Variants in RNF145 observed in about 807,000 individuals in gnomAD.
RNF145 encodes the protein ring finger protein 145.
A neutral mutation model predicts 57.3 loss-of-function variants in RNF145; 12 were observed. That is an observed-to-expected ratio of 0.21 (90% CI 0.13 to 0.34). The LOEUF is 0.34. Ranked by LOEUF, RNF145 falls within the 10% of genes least tolerant of loss-of-function variation. RNF145 has a pLI of 1.00. For synonymous variants in RNF145, 262 were observed against 288.3 expected, an observed-to-expected ratio of 0.91 and a Z score of 0.92; for missense variants, 429 against 799.0, an observed-to-expected ratio of 0.54 and a Z score of 5.58.
In RNF145 at chr5:159,158,948, G is replaced by A. The variant is rs1784128555; in HGVS notation, c.1714C>T (p.Pro572Ser). The change falls in exon 11 of 11, where the codon CCT (proline) becomes TCT (serine). Residue 572 changes from proline (P) to serine (S), a missense_variant. Pro to Ser is a moderately conservative substitution (Grantham distance 74). Around this residue, in one of 4 missense-constraint regions of RNF145, gnomAD observed 216 missense variants for 457.6 expected, o/e 0.47. Transcript: ENST00000424310. ...KKWLYVQETC[P>S]LCHCHLKNSS... ...TTTTTCAGATGGCAGTGGCACAGAG[G>A]GCAGGTCTCCTGGACATACAGCCAT... 1 of 1,613,792 alleles carries A rather than the reference G, an allele frequency of 6.2e-7. No individual in the cohort carries two copies.
intron 10 of RNF145, among the ~76,000 whole-genome samples, chr5:159,159,412 A>T (rs549466479): frequency 6.6e-6 from 1 of 152,340 alleles, no homozygotes; most frequent in South Asian, 2.1e-4. Flanking sequence ...TCTGATGAAG[A>T]CAGGACTTTT....
rs547217319 is a variant in RNF145 at position 159,160,955 on chromosome 5, C to A, written c.1626+311G>T. Among the ~76,000 whole-genome samples the A allele has an allele frequency of 1.5e-3, 229 of 152,218 alleles. 1 individual carries two copies. Among genetic ancestry groups the A allele is most frequent in the African/African-American group, 5.2e-3 (215 of 41,540 alleles). Reference sequence around the variant, plus strand: ...GCTGACCCCTCATGGATAGTATATTCAATAGTCCGTGTGAGTGTGTATTCA... The same window carrying A: ...GCTGACCCCTCATGGATAGTATATTAAATAGTCCGTGTGAGTGTGTATTCA... On this transcript the variant is annotated intron_variant, in intron 10 of 10. Transcript: ENST00000424310.
At chr5:159,174,840 A>G (rs1480166249) in intron 5 of RNF145, among the ~76,000 whole-genome samples, 3 of 152,200 alleles carry the variant, frequency 2.0e-5, no homozygotes, top group Admixed American at 6.5e-5. Flanking sequence ...TCCAGTTTAT[A>G]AAACACTCTT....
At chr5:159,194,938 GTTTT>G (rs1303978258) in intron 2 of RNF145, 114 bp from the exon 3 acceptor site, 1 of 696,852 alleles carries the variant, frequency 1.4e-6, no homozygotes, top group Non-Finnish European at 2.3e-6. Context: ...ACTTTCTGAG[GTTTT>G]TTATTATACT....
chr5:159,183,838 TG>T (rs1414753766), intron 3 of RNF145, among the ~76,000 whole-genome samples: 1 of 152,014 alleles, frequency 6.6e-6, no homozygotes, highest in African/African-American at 2.4e-5. Context: ...GAAGGGGAGA[TG>T]AGAGTAACGG....
chr5:159,196,408 T>C (rs1008066055), intron 2 of RNF145, among the ~76,000 whole-genome samples: 1 of 152,166 alleles, frequency 6.6e-6, no homozygotes, highest in East Asian at 1.9e-4. Flanking sequence ...TACTTGACAA[T>C]TCTCCTGCTC....
chr5:159,205,979 T>C (rs1291667027), intron 1 of RNF145, among the ~76,000 whole-genome samples: 1 of 152,096 alleles, frequency 6.6e-6, no homozygotes. Flanking sequence ...GAAGAAAAAC[T>C]CCCTAATCCG....
chr5:159,170,734 G>A (rs1318287001), intron 6 of RNF145, among the ~76,000 whole-genome samples: 1 of 152,126 alleles, frequency 6.6e-6, no homozygotes, highest in East Asian at 1.9e-4. Context: ...AGCTAAGACC[G>A]TAAGAGCGTG....
In RNF145 at chr5:159,163,067, T is replaced by C; in HGVS notation, c.1134A>G (p.Lys378=). ...AACAAAGGCTTACAGCACGGAAGTG[T>C]TTCCACAAGCTCCTGGAGAAAGACA... ...LGASRDKSLW[K]HFRAVSLCLF... is the part of the protein sequence containing the mutation. Residue 378 remains lysine (K), a synonymous_variant, in exon 9 of 11, where the codon AAA becomes AAG. Coordinates refer to ENST00000424310, the MANE Select transcript of RNF145 (RefSeq NM_001199383.2). The C allele has an allele frequency of 6.3e-7, 1 of 1,597,184 alleles. No individual in the cohort carries two copies. The highest frequency in any genetic ancestry group is 1.1e-5 in the South Asian group (1 of 87,294).
intron 9 of RNF145, among the ~76,000 whole-genome samples, chr5:159,162,420 A>ATTTTTTTT (rs1188848279): frequency 1.7e-5 from 2 of 120,020 alleles, no homozygotes; most frequent in Non-Finnish European, 3.3e-5. Context: ...TTTATGTAAT[A>ATTTTTTTT]TTTTCTTTTT....
chr5:159,205,148 TCAACCATTCCC>T (rs564335884), intron 1 of RNF145, among the ~76,000 whole-genome samples: 19 of 151,420 alleles, frequency 1.3e-4, no homozygotes, highest in Middle Eastern at 6.9e-3. Flanking sequence ...TAATCATATA[TCAACCATTCCC>T]ATAACCCAAA....
intron 3 of RNF145, among the ~76,000 whole-genome samples, chr5:159,182,553 A>G (rs1784926591): frequency 6.6e-6 from 1 of 152,138 alleles, no homozygotes; most frequent in Admixed American, 6.6e-5. Context: ...ACCCTTAAAA[A>G]TTATCATTTT....
At chr5:159,171,353 A>G (rs1784549050) in intron 6 of RNF145, among the ~76,000 whole-genome samples, 1 of 152,188 alleles carries the variant, frequency 6.6e-6, no homozygotes, top group South Asian at 2.1e-4. Context: ...CCAAAGGTCC[A>G]TACTATTTCT....
At chr5:159,189,900 G>C (rs1785228170) in intron 3 of RNF145, among the ~76,000 whole-genome samples, 1 of 152,218 alleles carries the variant, frequency 6.6e-6, no homozygotes. Flanking sequence ...GCCAAGGGCT[G>C]GGGGCAGGGA....
intron 1 of RNF145, chr5:159,208,239 G>T (rs1785971905): frequency 9.7e-7 from 1 of 1,032,700 alleles, no homozygotes; most frequent in Non-Finnish European, 1.3e-6. Context: ...CGCCGCCGCC[G>T]CGGGGCTAAG....
At chr5:159,209,693 A>G, upstream of RNF145, 1 of 956,550 alleles carries the variant, frequency 1.0e-6, no homozygotes, top group Non-Finnish European at 1.4e-6. Context: ...CGTGGGCGGG[A>G]GACATAAGCC....
chr5:159,178,885 CT>C (rs1371702718), intron 4 of RNF145, among the ~76,000 whole-genome samples: 2 of 151,616 alleles, frequency 1.3e-5, no homozygotes, highest in Non-Finnish European at 2.9e-5. Flanking sequence ...TTACAACAAT[CT>C]ACTATGTCAT....
chr5:159,158,785 G>C lies in RNF145; in HGVS notation c.1877C>G (p.Ser626Cys), dbSNP rs1344923020. 27 of 1,613,800 alleles carry C rather than the reference G, an allele frequency of 1.7e-5. No homozygotes were observed. Among genetic ancestry groups the C allele is most frequent in the Non-Finnish European group, 1.9e-5 (23 of 1,179,870 alleles). The change falls in exon 11 of 11, where the codon TCC (serine) becomes TGC (cysteine). Residue 626 changes from serine to cysteine, a missense_variant. Ser to Cys is a moderately radical substitution (Grantham distance 112, BLOSUM62 -1). Transcript: ENST00000424310. ...HTPGTRIQEG[S>C]RDNNEYIARR... ...GGCAATGTACTCATTATTGTCCCTG[G>C]AACCTTCCTGTATCCTGGTCCCTGG...
chr5:159,189,230 G>C (rs1785199957), intron 3 of RNF145, among the ~76,000 whole-genome samples: 2 of 151,574 alleles, frequency 1.3e-5, no homozygotes. Flanking sequence ...CTTGTATCTA[G>C]AATATATAAA....
Sources: gnomAD v4.1 joint callset for allele counts (sites outside exome capture counted in the v4.1 genomes callset) on GRCh38, gnomAD v4.1.1 for gene constraint, gnomAD v4.1.1 regional missense constraint, MANE v1.5 for transcripts, NCBI Gene and HGNC (gene_info 2026-07-23, HGNC 2026-07-21) for gene names.